RAPGEF5: variants seen among roughly 807,000 people sequenced by gnomAD.
RAPGEF5 encodes Rap guanine nucleotide exchange factor 5.
A neutral mutation model predicts 125.2 loss-of-function variants in RAPGEF5; 65 were observed. The observed-to-expected ratio is 0.52, with a 90% CI of 0.43 to 0.64. The LOEUF (loss-of-function observed/expected upper bound fraction) is 0.64. Ranked by LOEUF, RAPGEF5 falls within the 30% of genes least tolerant of loss-of-function variation. The pLI is 0.00. For synonymous variants in RAPGEF5, 391 were observed against 385.9 expected (o/e 1.01, Z -0.16); for missense variants, 958 against 1,048.1 (o/e 0.91, Z 1.19).
At chr7:22,231,241 T>C (rs1786047704) in intron 7 of RAPGEF5, among the ~76,000 whole-genome samples, 1 of 152,234 alleles carries the variant, frequency 6.6e-6, no homozygotes, top group Non-Finnish European at 1.5e-5. Context: ...TGAAGACTTT[T>C]ATTCATTTCA....
chr7:22,354,191 G>T (rs1784380397), intron 1 of RAPGEF5, among the ~76,000 whole-genome samples: 1 of 152,196 alleles, frequency 6.6e-6, no homozygotes. Context: ...AGGTTTGTGG[G>T]AGCCCAGGGC....
intron 7 of RAPGEF5, among the ~76,000 whole-genome samples, chr7:22,237,182 T>C (rs1000795317): frequency 6.6e-6 from 1 of 152,226 alleles, no homozygotes; most frequent in Non-Finnish European, 1.5e-5. Flanking sequence ...TGAAGAGTGC[T>C]TCCTCCTAGC....
Position 22,230,916 on chromosome 7 carries a change from A to T in RAPGEF5, c.800T>A (p.Ile267Asn), listed in dbSNP as rs1312604039. 1 of 1,557,378 alleles carries T rather than the reference A, an allele frequency of 6.4e-7. No homozygotes were observed. Among genetic ancestry groups the T allele is most frequent in the East Asian group, 2.4e-5 (1 of 42,126 alleles). Residue 267 changes from isoleucine to asparagine, a missense_variant, in exon 8 of 26, where the codon ATT (isoleucine) becomes AAT (asparagine). Coordinates refer to ENST00000665637, the MANE Select transcript of RAPGEF5 (RefSeq NM_012294.5). ...VIALKARKSA[I>N]EQDEENNDKH... ...GTCGTTGTTTTCTTCATCTTGTTCA[A>T]TTGCTTAAAAAAAAGAACACCATTA...
At chr7:22,159,858 C>T (rs915647418) in intron 14 of RAPGEF5, among the ~76,000 whole-genome samples, 2 of 152,056 alleles carry the variant, frequency 1.3e-5, no homozygotes, top group African/African-American at 2.4e-5. Context: ...CTTGTAATCC[C>T]AGCACTTTGG....
At position 22,197,897 on chromosome 7, in the gene RAPGEF5, G is replaced by GGT. The variant is rs1554327491; in HGVS notation, c.997-3865_997-3864insAC. On this transcript the variant is annotated intron_variant, in intron 9 of 25. Transcript: ENST00000665637. The stretch of plus-strand genomic sequence containing the variant: ...AATCTCTTTTTTCTTTTTTTTTGGG[G>GGT]GGGGGTGGTAGGAGGACATTCTCAC... Among the ~76,000 whole-genome samples the GGT allele has an allele frequency of 4.5e-3, 657 of 146,088 alleles. 19 individuals carry two copies. The highest frequency in any genetic ancestry group is 0.015 in the African/African-American group (608 of 39,694).
intron 7 of RAPGEF5, among the ~76,000 whole-genome samples, chr7:22,263,405 TATATA>T (rs1325444785): frequency 2.6e-5 from 4 of 152,220 alleles, no homozygotes; most frequent in Non-Finnish European, 5.9e-5. Flanking sequence ...AGCATATTAA[TATATA>T]ATATATCATA....
chr7:22,146,884 A>G lies in RAPGEF5; in HGVS notation c.2007+13T>C, dbSNP rs1172351175. 6 of 1,607,418 alleles carry G rather than the reference A, an allele frequency of 3.7e-6. No homozygotes were observed. The highest frequency in any genetic ancestry group is 1.7e-5 in the Admixed American group (1 of 58,194). On this transcript the variant is annotated intron_variant, in intron 19 of 25. Coordinates refer to ENST00000665637, the MANE Select transcript of RAPGEF5 (RefSeq NM_012294.5). Reference sequence around the variant, plus strand: ...AACAGCATTTGTATTTTATCTTGTCACTCCTCATTTACCTCGTGAATTGAA... The same window carrying G: ...AACAGCATTTGTATTTTATCTTGTCGCTCCTCATTTACCTCGTGAATTGAA...
chr7:22,202,433 C>T (rs1372951342), intron 9 of RAPGEF5, among the ~76,000 whole-genome samples: 2 of 152,134 alleles, frequency 1.3e-5, no homozygotes, highest in Non-Finnish European at 2.9e-5. Context: ...AATAAAAATA[C>T]ACTCCCCAAA....
At chr7:22,142,191 T>C (rs1037040652) in intron 20 of RAPGEF5, among the ~76,000 whole-genome samples, 1 of 152,188 alleles carries the variant, frequency 6.6e-6, no homozygotes, top group Admixed American at 6.5e-5. Context: ...TAGGATATGA[T>C]GGAGGCCCCA....
chr7:22,250,015 T>G (rs1458391677), intron 7 of RAPGEF5, among the ~76,000 whole-genome samples: 27 of 152,230 alleles, frequency 1.8e-4, no homozygotes, highest in Admixed American at 1.8e-3. Context: ...AGGGGGGACT[T>G]TGATGCGGCT....
At chr7:22,310,281 G>T (rs761704485) in intron 3 of RAPGEF5, among the ~76,000 whole-genome samples, 191 bp from the exon 4 acceptor site, 2 of 152,112 alleles carry the variant, frequency 1.3e-5, no homozygotes, top group Non-Finnish European at 2.9e-5. Flanking sequence ...AGGGAAACAA[G>T]AGTCAAATTG....
rs80150576 is a variant in RAPGEF5 at position 22,142,014 on chromosome 7, C to T, written c.2187-1899G>A. Among the ~76,000 whole-genome samples the T allele has an allele frequency of 8.5e-5, 13 of 152,298 alleles. No homozygotes were observed. In the East Asian group the frequency reaches 2.5e-3, roughly 29 times the overall value. On this transcript the variant is annotated intron_variant, in intron 20 of 25. Transcript: ENST00000665637. ...TTTTCTGACTCTTCACAACCCTGAA[C>T]GTTCCCACCAGCTAGAACAGACTTG...
chr7:22,130,824 C>A, intron 24 of RAPGEF5: 1 of 610,614 alleles, frequency 1.6e-6, no homozygotes, highest in Non-Finnish European at 2.8e-6. Context: ...TTCACAAAAA[C>A]CTTGCTAACA....
chr7:22,248,569 C>T (rs1786538313), intron 7 of RAPGEF5, among the ~76,000 whole-genome samples: 1 of 152,168 alleles, frequency 6.6e-6, no homozygotes, highest in African/African-American at 2.4e-5. Context: ...CCCCCAACTC[C>T]TCCACTGTCA....
Position 22,165,008 on chromosome 7 carries a change from T to C in RAPGEF5, c.1283+2062A>G, listed in dbSNP as rs9886276. On this transcript the variant is annotated intron_variant, in intron 12 of 25. Transcript: ENST00000665637. Reference sequence around the variant, plus strand: ...TAACACATCTTCACTAAGATGTGCATAAAAATATCTCACATTAAATATAGA... The same window carrying C: ...TAACACATCTTCACTAAGATGTGCACAAAAATATCTCACATTAAATATAGA... Among the ~76,000 whole-genome samples the C allele has an allele frequency of 5.7e-3, 873 of 152,298 alleles. 10 individuals are homozygous for C. Among genetic ancestry groups the C allele is most frequent in the African/African-American group, 0.02 (840 of 41,576 alleles).
rs1782299097 is a variant in RAPGEF5 at position 22,267,010 on chromosome 7, C to A, written c.750G>T (p.Val250=). The change falls in exon 7 of 26, where the codon GTG becomes GTT. Residue 250 remains valine (V), a splice_region_variant and synonymous_variant. Transcript: ENST00000665637. The part of the protein sequence containing the change: ...DEILVRLTSA[V]QRELAAVIAL... ...CAATAACAGCTGCTAGCTCTCTCTG[C>A]ACCTAATAAAATATTAGGGGGGAAA... is the stretch of plus-strand genomic sequence containing the variant. The A allele has an allele frequency of 6.2e-7, 1 of 1,607,926 alleles. No homozygotes were observed. The highest frequency in any genetic ancestry group is 1.3e-5 in the African/African-American group (1 of 74,852).
At chr7:22,322,608 CTT>C (rs1393463170) in intron 1 of RAPGEF5, among the ~76,000 whole-genome samples, 2 of 152,260 alleles carry the variant, frequency 1.3e-5, no homozygotes, top group East Asian at 3.9e-4. Context: ...ATACATGTCT[CTT>C]AATATAGAAT....
At chr7:22,242,078 C>A (rs1471022341) in intron 7 of RAPGEF5, among the ~76,000 whole-genome samples, 1 of 152,184 alleles carries the variant, frequency 6.6e-6, no homozygotes, top group Non-Finnish European at 1.5e-5. Flanking sequence ...GACAAGGCAA[C>A]AGAAAGGGCA....
intron 7 of RAPGEF5, among the ~76,000 whole-genome samples, chr7:22,231,828 T>C (rs1293874527): frequency 6.6e-6 from 1 of 152,098 alleles, no homozygotes. Context: ...CTGGAGAGAG[T>C]AGAGACCACA....
Sources: allele counts gnomAD v4.1 joint callset (sites outside exome capture counted in the v4.1 genomes callset), GRCh38; gene constraint gnomAD v4.1.1; transcripts MANE v1.5; gene names NCBI Gene and HGNC (gene_info 2026-07-23, HGNC 2026-07-21).